EPHA6: variants seen among roughly 807,000 people sequenced by gnomAD.
The protein encoded by EPHA6 is EPH receptor A6, also known as ephrin type-A receptor 6.
In EPHA6, 50 loss-of-function variants were observed where a neutral mutation model predicts 112.0. That is an observed-to-expected ratio of 0.45 (90% confidence interval 0.36 to 0.56). The LOEUF (loss-of-function observed/expected upper bound fraction) is 0.56. Among genes scored for constraint, EPHA6 ranks in the 20% least tolerant of loss-of-function variants. The pLI is 0.00. For synonymous variants in EPHA6, 529 were observed against 490.7 expected (o/e 1.08, Z -1.03); for missense variants, 1,280 against 1,417.4 (o/e 0.90, Z 1.56).
chr3:96,975,882 T>G (rs971034459), intron 2 of EPHA6, among the ~76,000 whole-genome samples: 1 of 152,176 alleles, frequency 6.6e-6, no homozygotes, highest in Non-Finnish European at 1.5e-5. Context: ...TTAATTTGAT[T>G]TATTTAACTC....
intron 12 of EPHA6, among the ~76,000 whole-genome samples, chr3:97,600,735 T>C (rs943735289): frequency 6.6e-6 from 1 of 151,920 alleles, no homozygotes; most frequent in Non-Finnish European, 1.5e-5. Context: ...AAGAATTCAA[T>C]GTTCTATATA....
chr3:97,261,771 C>G (rs2079512287), intron 5 of EPHA6, among the ~76,000 whole-genome samples: 1 of 152,078 alleles, frequency 6.6e-6, no homozygotes, highest in Non-Finnish European at 1.5e-5. Context: ...GATGCGCTTC[C>G]AATAGTTTAT....
intron 3 of EPHA6, among the ~76,000 whole-genome samples, chr3:97,028,178 A>G (rs1338050411): frequency 6.6e-6 from 1 of 152,172 alleles, no homozygotes; most frequent in South Asian, 2.1e-4. Flanking sequence ...AGAGAGGAGA[A>G]ACCCAAAGAC....
chr3:97,599,926 A>C (rs1278035818), intron 12 of EPHA6, among the ~76,000 whole-genome samples: 4 of 151,806 alleles, frequency 2.6e-5, no homozygotes, highest in East Asian at 1.9e-4. Flanking sequence ...ATTTGTTTGT[A>C]TCCTCTTTTA....
At chr3:97,375,930 G>A (rs551391998) in intron 5 of EPHA6, among the ~76,000 whole-genome samples, 1 of 152,204 alleles carries the variant, frequency 6.6e-6, no homozygotes, top group African/African-American at 2.4e-5. Context: ...AGGAGGAATG[G>A]ATTACAAATG....
chr3:97,722,824 T>C (rs1235702170), intron 15 of EPHA6, among the ~76,000 whole-genome samples: 1 of 152,098 alleles, frequency 6.6e-6, no homozygotes, highest in Non-Finnish European at 1.5e-5. Flanking sequence ...TAAATAATCA[T>C]TCTTATAATA....
intron 3 of EPHA6, among the ~76,000 whole-genome samples, chr3:96,989,707 C>G (rs781461132): frequency 9.2e-5 from 14 of 152,002 alleles, no homozygotes; most frequent in Non-Finnish European, 1.8e-4. Flanking sequence ...TATGCCTTAC[C>G]CTGGCAGCAG....
intron 5 of EPHA6, among the ~76,000 whole-genome samples, chr3:97,331,353 A>G (rs557639453): frequency 1.3e-5 from 2 of 152,156 alleles, no homozygotes; most frequent in East Asian, 1.9e-4. Context: ...AGAAGCAAGA[A>G]CAAACACATT....
At chr3:97,389,019 G>A (rs2086242961) in intron 5 of EPHA6, among the ~76,000 whole-genome samples, 1 of 152,078 alleles carries the variant, frequency 6.6e-6, no homozygotes, top group Non-Finnish European at 1.5e-5. Context: ...GAGCCTGATA[G>A]GTTACTTGTC....
intron 2 of EPHA6, among the ~76,000 whole-genome samples, chr3:96,948,482 G>A (rs78155839): frequency 0.013 from 2,035 of 152,194 alleles, 46 homozygotes; most frequent in African/African-American, 0.044. Flanking sequence ...CTGAAAGTCA[G>A]GAGAAGGAAT....
intron 2 of EPHA6, among the ~76,000 whole-genome samples, chr3:96,884,610 A>G (rs2037514886): frequency 6.6e-6 from 1 of 152,170 alleles, no homozygotes. Context: ...TATCAGTTCT[A>G]GGAGCTTTCT....
At chr3:97,489,516 T>G (rs1488238371) in intron 10 of EPHA6, among the ~76,000 whole-genome samples, 1 of 151,992 alleles carries the variant, frequency 6.6e-6, no homozygotes, top group Non-Finnish European at 1.5e-5. Context: ...AAACCCTGTC[T>G]CTACTAAAAA....
intron 12 of EPHA6, among the ~76,000 whole-genome samples, chr3:97,595,516 G>C (rs2093580753): frequency 6.6e-6 from 1 of 152,034 alleles, no homozygotes; most frequent in African/African-American, 2.4e-5. Context: ...ATGGTGGCGG[G>C]CACCTGTAAT....
At chr3:96,912,777 T>C (rs1415361997) in intron 2 of EPHA6, among the ~76,000 whole-genome samples, 3 of 151,934 alleles carry the variant, frequency 2.0e-5, no homozygotes, top group African/African-American at 7.3e-5. Context: ...AATTTTATAG[T>C]GATGAGGTCT....
chr3:97,609,129 C>T (rs2093700078), intron 12 of EPHA6, among the ~76,000 whole-genome samples: 1 of 151,248 alleles, frequency 6.6e-6, no homozygotes, highest in Admixed American at 6.6e-5. Context: ...CAGCAACAGT[C>T]AAGACAGATT....
intron 3 of EPHA6, among the ~76,000 whole-genome samples, chr3:97,201,357 C>A (rs1456434085): frequency 6.6e-6 from 1 of 151,972 alleles, no homozygotes; most frequent in Non-Finnish European, 1.5e-5. Flanking sequence ...TTGTTTGTTT[C>A]TTCAATTTTA....
At chr3:97,566,206 A>C (rs938761016) in intron 11 of EPHA6, among the ~76,000 whole-genome samples, 2 of 152,112 alleles carry the variant, frequency 1.3e-5, no homozygotes, top group Admixed American at 6.6e-5. Flanking sequence ...AATTTTAAGC[A>C]ACCAGATCTT....
intron 11 of EPHA6, among the ~76,000 whole-genome samples, chr3:97,577,814 TTTC>T (rs2093401550): frequency 2.6e-5 from 4 of 152,188 alleles, no homozygotes; most frequent in African/African-American, 7.2e-5. Context: ...TGTTTTTGTT[TTTC>T]TTGGTTTTTT....
At chr3:97,151,908 A>G (rs1162058859) in intron 3 of EPHA6, among the ~76,000 whole-genome samples, 4 of 152,002 alleles carry the variant, frequency 2.6e-5, no homozygotes, top group Admixed American at 6.6e-5. Flanking sequence ...GTACTTTTAT[A>G]TAATCATATT....
Sources: allele counts gnomAD v4.1 joint callset (sites outside exome capture counted in the v4.1 genomes callset), GRCh38; gene constraint gnomAD v4.1.1; transcripts MANE v1.5; gene names NCBI Gene and HGNC (gene_info 2026-07-23, HGNC 2026-07-21).